Variants in RFPL1 observed in about 807,000 individuals in gnomAD.
RFPL1 encodes the protein ret finger protein-like 1.
In RFPL1, 6 loss-of-function variants were observed where a neutral mutation model predicts 9.6. The ratio of observed to expected loss-of-function variants is 0.62; its 90% CI spans 0.34 to 1.23. The LOEUF (loss-of-function observed/expected upper bound fraction) is 1.23. Among genes scored for constraint, RFPL1 ranks in the 50% most tolerant of loss-of-function variants. The probability of loss-of-function intolerance (pLI) is 0.03; values close to 1 mark genes in which losing one functional copy is unlikely to be tolerated. For missense variants in RFPL1, 352 were observed against 398.4 expected (o/e 0.88, Z 0.99); for synonymous variants, 145 against 149.4 (o/e 0.97, Z 0.22).
the RFPL1 span, among the ~76,000 whole-genome samples, chr22:29,432,049 T>G: frequency 2.0e-5 from 3 of 152,192 alleles, no homozygotes; most frequent in Non-Finnish European, 4.4e-5. Context: ...CAAAATCCAG[T>G]GCGCATTTTA....
At chr22:29,438,643 C>T (rs1256037852) in exon 1 of RFPL1, 10 of 1,488,686 alleles carry the variant, frequency 6.7e-6, no homozygotes, top group Non-Finnish European at 9.0e-6. Flanking sequence ...CTTCCTCCAC[C>T]TCAGTTCAGA....
chr22:29,425,203 C>CA, the RFPL1 span, among the ~76,000 whole-genome samples: 2,587 of 78,034 alleles, frequency 0.033, 53 homozygotes, highest in Middle Eastern at 0.083. Context: ...GACTCCGTCT[C>CA]AAAAAAAAAA....
At chr22:29,431,190 T>C in the RFPL1 span, among the ~76,000 whole-genome samples, 3 of 151,832 alleles carry the variant, frequency 2.0e-5, no homozygotes, top group Non-Finnish European at 2.9e-5. Context: ...GCTTATGTAG[T>C]TTTTCTCGAC....
chr22:29,425,000 C>A, the RFPL1 span, among the ~76,000 whole-genome samples: 2 of 151,590 alleles, frequency 1.3e-5, no homozygotes, highest in African/African-American at 4.9e-5. Context: ...GTCAGGAGAT[C>A]GAGACCATCC....
chr22:29,408,336 T>C, the RFPL1 span, among the ~76,000 whole-genome samples: 1 of 152,164 alleles, frequency 6.6e-6, no homozygotes, highest in African/African-American at 2.4e-5. Flanking sequence ...TTTCTGCCCC[T>C]CTTCTTTGCC....
At chr22:29,430,459 G>A in the RFPL1 span, among the ~76,000 whole-genome samples, 3 of 151,932 alleles carry the variant, frequency 2.0e-5, no homozygotes, top group Non-Finnish European at 4.4e-5. Context: ...TATATATTGT[G>A]ATGTAATGGA....
At chr22:29,424,835 C>T in the RFPL1 span, among the ~76,000 whole-genome samples, 1 of 78,034 alleles carries the variant, frequency 1.3e-5, no homozygotes, top group South Asian at 6.2e-4. Flanking sequence ...TCCCTCCCAC[C>T]CCCCCCCCCG....
At chr22:29,433,719 A>C (rs1051821738), upstream of RFPL1, among the ~76,000 whole-genome samples, 1 of 152,184 alleles carries the variant, frequency 6.6e-6, no homozygotes, top group Non-Finnish European at 1.5e-5. Context: ...TAGAGACAAC[A>C]GAAGATTTTG....
the RFPL1 span, among the ~76,000 whole-genome samples, chr22:29,424,746 C>T: frequency 6.7e-6 from 1 of 149,142 alleles, no homozygotes; most frequent in African/African-American, 2.5e-5. Context: ...CACTTGAACC[C>T]AGGAGGCGGA....
At chr22:29,405,614 G>A in the RFPL1 span, among the ~76,000 whole-genome samples, 1 of 152,106 alleles carries the variant, frequency 6.6e-6, no homozygotes, top group Non-Finnish European at 1.5e-5. Flanking sequence ...CAGGGTCCAG[G>A]GCATGATCTA....
At chr22:29,388,007 G>A in the RFPL1 span, among the ~76,000 whole-genome samples, 2 of 152,172 alleles carry the variant, frequency 1.3e-5, no homozygotes, top group Admixed American at 6.5e-5. Flanking sequence ...GCACGGGACC[G>A]TTTTCTAGTT....
the RFPL1 span, among the ~76,000 whole-genome samples, chr22:29,424,387 G>A: frequency 3.9e-5 from 6 of 152,172 alleles, no homozygotes; most frequent in East Asian, 3.9e-4. Flanking sequence ...ATCATTTACC[G>A]AGCCCCTATT....
chr22:29,388,532 G>C, the RFPL1 span: 2 of 152,132 alleles, frequency 1.3e-5, no homozygotes, highest in South Asian at 4.1e-4. Flanking sequence ...CCGGCGGCTC[G>C]GAGCCCCGCG....
At chr22:29,424,976 G>A in the RFPL1 span, among the ~76,000 whole-genome samples, 26 of 151,704 alleles carry the variant, frequency 1.7e-4, no homozygotes, top group Admixed American at 1.1e-3. Flanking sequence ...AGGCCCAGGC[G>A]GGCGGATCAC....
the RFPL1 span, among the ~76,000 whole-genome samples, chr22:29,424,436 T>C: frequency 6.6e-6 from 1 of 151,570 alleles, no homozygotes; most frequent in Non-Finnish European, 1.5e-5. Context: ...CATTTAATCT[T>C]GTCAATAATA....
At chr22:29,427,531 C>T in the RFPL1 span, among the ~76,000 whole-genome samples, 1 of 152,210 alleles carries the variant, frequency 6.6e-6, no homozygotes, top group African/African-American at 2.4e-5. Context: ...GGGAAGATGC[C>T]TTTCTCATTC....
At chr22:29,406,406 G>C in the RFPL1 span, among the ~76,000 whole-genome samples, 3 of 152,004 alleles carry the variant, frequency 2.0e-5, no homozygotes, top group Non-Finnish European at 4.4e-5. Context: ...TAGGTCTATA[G>C]CAGAGATCTA....
chr22:29,431,156 C>A, the RFPL1 span, among the ~76,000 whole-genome samples: 1 of 151,972 alleles, frequency 6.6e-6, no homozygotes, highest in African/African-American at 2.4e-5. Flanking sequence ...AGGGGAGAAC[C>A]TAATGGAGGA....
At chr22:29,415,129 A>C in the RFPL1 span, among the ~76,000 whole-genome samples, 2 of 152,162 alleles carry the variant, frequency 1.3e-5, no homozygotes, top group Non-Finnish European at 2.9e-5. Flanking sequence ...GCTTCCACTC[A>C]AATGGAGTGG....
Sources: gnomAD v4.1 joint callset for allele counts (sites outside exome capture counted in the v4.1 genomes callset) on GRCh38, gnomAD v4.1.1 for gene constraint, MANE v1.5 for transcripts, NCBI Gene and HGNC (gene_info 2026-07-23, HGNC 2026-07-21) for gene names.